Variants in PPP2CA observed in about 807,000 individuals in gnomAD.
PPP2CA encodes the protein serine/threonine-protein phosphatase 2A catalytic subunit alpha isoform.
Under a neutral mutation model 38.8 loss-of-function variants are expected in PPP2CA, and 5 were observed. That is an observed-to-expected ratio of 0.13 (90% CI 0.07 to 0.27). The LOEUF is 0.27. Ranked by LOEUF, PPP2CA falls within the 10% of genes least tolerant of loss-of-function variation. The probability of loss-of-function intolerance (pLI) is 1.00; values close to 1 mark genes in which losing one functional copy is unlikely to be tolerated. For missense variants in PPP2CA, 88 were observed against 389.7 expected (o/e 0.23, Z 6.52); for synonymous variants, 152 against 134.0 (o/e 1.13, Z -0.93).
intron 1 of PPP2CA, among the ~76,000 whole-genome samples, chr5:134,209,733 G>T (rs951676646): frequency 1.3e-5 from 2 of 151,218 alleles, no homozygotes; most frequent in Admixed American, 6.6e-5. Context: ...AGCCAAGATC[G>T]CTCCACTGCA....
intron 1 of PPP2CA, among the ~76,000 whole-genome samples, chr5:134,209,260 A>T (rs1189966899): frequency 1.6e-5 from 2 of 128,364 alleles, no homozygotes; most frequent in Non-Finnish European, 3.4e-5. Context: ...AGAAGCAACC[A>T]TCCCTCAGAC....
At chr5:134,213,331 GAAC>G (rs1762246992) in intron 1 of PPP2CA, among the ~76,000 whole-genome samples, 1 of 151,522 alleles carries the variant, frequency 6.6e-6, no homozygotes, top group African/African-American at 2.4e-5. Context: ...TCTAGAAATG[GAAC>G]AACAAAGCCT....
In PPP2CA at chr5:134,195,963, T is replaced by C. The variant is rs1383965267; in HGVS notation, c.*1809A>G. On this transcript the variant is annotated 3_prime_UTR_variant, in exon 7 of 7. Coordinates refer to ENST00000481195, the MANE Select transcript of PPP2CA (RefSeq NM_002715.4). ...AAAAAATAGCTGCTTGGTGTCTAGA[T>C]TGTTTGGGTATTAAAACCACTGCAC... 6.6e-6 allele frequency: 1 copy of C among 152,236 alleles called. No individual in the cohort carries two copies. The highest frequency in any genetic ancestry group is 6.5e-5 in the Admixed American group (1 of 15,290). The allele number at this position is 152,236 out of a possible 1,614,324, so 9.4% of individuals were successfully genotyped here. A position where few individuals can be genotyped will look rare whatever the true frequency, so the allele number is the denominator to read the frequency against.
In PPP2CA at chr5:134,199,075, G is replaced by T; in HGVS notation, c.857+11C>A. The stretch of plus-strand genomic sequence containing the variant: ...AGTAATGCAAGAAAATGTTCAGGTA[G>T]AATTACTTACAAAGAGTATTTTAGA... On this transcript the variant is annotated intron_variant, in intron 6 of 6. Transcript: ENST00000481195. The T allele has an allele frequency of 1.9e-6, 3 of 1,577,890 alleles. No homozygotes were observed. Among genetic ancestry groups the T allele is most frequent in the Non-Finnish European group, 2.6e-6 (3 of 1,147,170 alleles).
intron 1 of PPP2CA, among the ~76,000 whole-genome samples, chr5:134,216,692 G>A (rs1366094989): frequency 6.6e-6 from 1 of 151,790 alleles, no homozygotes; most frequent in Non-Finnish European, 1.5e-5. Flanking sequence ...TTGTAGAAAC[G>A]GTGGTCTCAC....
chr5:134,201,702 T>C, intron 3 of PPP2CA, 146 bp downstream of exon 3: 1 of 926,302 alleles, frequency 1.1e-6, no homozygotes, highest in Non-Finnish European at 1.6e-6. Flanking sequence ...CAAATTAAAT[T>C]TTTTTTAAGT....
Position 134,225,240 on chromosome 5 carries a change from T to G in PPP2CA, c.102+520A>C, listed in dbSNP as rs254053. Among the ~76,000 whole-genome samples the G allele has an allele frequency of 2.0e-5, 3 of 152,052 alleles. No homozygotes were observed. The South Asian group carries it at 6.2e-4, about 32-fold the overall frequency. ...TTCTGGAGAAGATCGCTTGGTGAGT[T>G]TAATACAAACCACCAAGGGGTACTA... On this transcript the variant is annotated intron_variant, in intron 1 of 6. Transcript: ENST00000481195.
At chr5:134,214,305 T>C (rs1373202528) in intron 1 of PPP2CA, among the ~76,000 whole-genome samples, 2 of 152,220 alleles carry the variant, frequency 1.3e-5, no homozygotes, top group Non-Finnish European at 2.9e-5. Context: ...TTTTGTGTCC[T>C]AAAGTTTCAT....
At chr5:134,223,361 A>C (rs1762488254) in intron 1 of PPP2CA, among the ~76,000 whole-genome samples, 1 of 152,224 alleles carries the variant, frequency 6.6e-6, no homozygotes, top group African/African-American at 2.4e-5. Context: ...AAAAAACATC[A>C]GTTCATGGAT....
At chr5:134,211,328 T>C (rs946296185) in intron 1 of PPP2CA, among the ~76,000 whole-genome samples, 2 of 152,126 alleles carry the variant, frequency 1.3e-5, no homozygotes, top group African/African-American at 4.8e-5. Flanking sequence ...CAACCCACTA[T>C]AAAATAATCA....
Position 134,225,780 on chromosome 5 carries a change from C to G in PPP2CA, c.82G>C (p.Val28Leu). 6.2e-7 allele frequency: 1 copy of G among 1,609,372 alleles called. No homozygotes were observed. The highest frequency in any genetic ancestry group is 8.5e-7 in the Non-Finnish European group (1 of 1,178,798). ...NECKQLSESQ[V>L]KSLCEKAKEI... ...CTCACCTTCTCGCAGAGGCTCTTGACCTGGGACTCGGACAGCTGCTTGCAC... is the reference window on the plus strand; with the variant it reads ...CTCACCTTCTCGCAGAGGCTCTTGAGCTGGGACTCGGACAGCTGCTTGCAC... The change falls in exon 1 of 7, where the codon GTC becomes CTC. Residue 28 changes from valine (V) to leucine (L), a missense_variant. Coordinates refer to ENST00000481195, the MANE Select transcript of PPP2CA (RefSeq NM_002715.4).
chr5:134,206,864 T>C (rs915320857), intron 1 of PPP2CA, among the ~76,000 whole-genome samples: 6 of 152,208 alleles, frequency 3.9e-5, no homozygotes, highest in Admixed American at 2.0e-4. Context: ...ACTGGACATA[T>C]AGTGGTGAAC....
intron 1 of PPP2CA, among the ~76,000 whole-genome samples, chr5:134,223,051 A>G (rs1356683168): frequency 2.6e-5 from 4 of 152,192 alleles, no homozygotes; most frequent in African/African-American, 2.4e-5. Flanking sequence ...GTATACATCT[A>G]TTTTTACTAT....
chr5:134,197,926 A>G (rs1205943472), intron 6 of PPP2CA, 82 bp from the exon 7 acceptor site: 1 of 1,142,422 alleles, frequency 8.8e-7, no homozygotes, highest in Non-Finnish European at 1.3e-6. Context: ...GAGTCTTCCA[A>G]ACTTTACACT....
At chr5:134,221,967 CAAAAA>C (rs35713465) in intron 1 of PPP2CA, among the ~76,000 whole-genome samples, 2 of 78,114 alleles carry the variant, frequency 2.6e-5, no homozygotes, top group Admixed American at 1.2e-4. Context: ...GACCTTATCT[CAAAAA>C]AAAAAAAAAA....
At chr5:134,214,287 G>C (rs1269506593) in intron 1 of PPP2CA, among the ~76,000 whole-genome samples, 8 of 151,962 alleles carry the variant, frequency 5.3e-5, no homozygotes, top group Admixed American at 2.6e-4. Flanking sequence ...TAATTGACTG[G>C]CATCTCATTT....
intron 1 of PPP2CA, among the ~76,000 whole-genome samples, chr5:134,216,763 C>T (rs7704116): frequency 0.099 from 15,078 of 152,042 alleles, 876 homozygotes; most frequent in Admixed American, 0.16. Flanking sequence ...CTCCGCCTCC[C>T]AAAGCACCAG....
Position 134,196,999 on chromosome 5 carries a change from G to A in PPP2CA, c.*773C>T, listed in dbSNP as rs775374528. Reference sequence around the variant, plus strand: ...CCCTTGATTTTTATTTTACCTACAAGTCTACAAATTCTAAAATTTACTCAA... The same window carrying A: ...CCCTTGATTTTTATTTTACCTACAAATCTACAAATTCTAAAATTTACTCAA... On this transcript the variant is annotated 3_prime_UTR_variant, in exon 7 of 7. Transcript: ENST00000481195. 3.9e-5 allele frequency: 6 copies of A among 152,576 alleles called. No homozygotes were observed. Among genetic ancestry groups the A allele is most frequent in the Admixed American group, 2.6e-4 (4 of 15,274 alleles). 9.5% of individuals were successfully genotyped at this position (152,576 alleles called of 1,614,324 possible). A position where few individuals can be genotyped will look rare whatever the true frequency, so the allele number is the denominator to read the frequency against.
chr5:134,215,815 T>C lies in PPP2CA; in HGVS notation c.103-9684A>G, dbSNP rs533031175. On this transcript the variant is annotated intron_variant, in intron 1 of 6. Coordinates refer to ENST00000481195, the MANE Select transcript of PPP2CA (RefSeq NM_002715.4). ...AAGCAGACTCTCACTCCCTTCACCA[T>C]TGAAAACAGATAACATTTCCTGAAC... 1.7e-4 allele frequency among the ~76,000 whole-genome samples: 26 copies of C among 152,248 alleles called. No homozygotes were observed. The East Asian group carries it at 4.6e-3, about 27-fold the overall frequency.
Sources: gnomAD v4.1 joint callset for allele counts (sites outside exome capture counted in the v4.1 genomes callset) on GRCh38, gnomAD v4.1.1 for gene constraint, MANE v1.5 for transcripts, NCBI Gene and HGNC (gene_info 2026-07-23, HGNC 2026-07-21) for gene names.